The following BRINP2 variants were observed in gnomAD, a reference collection of about 807,000 sequenced individuals.
BRINP2 encodes BMP/retinoic acid inducible neural specific 2, also known as BMP/retinoic acid-inducible neural-specific protein 2.
A neutral mutation model predicts 69.2 loss-of-function variants in BRINP2; 21 were observed. That is an observed-to-expected ratio of 0.30 (90% confidence interval 0.22 to 0.44). The LOEUF (loss-of-function observed/expected upper bound fraction) is 0.44. Among genes scored for constraint, BRINP2 ranks in the 20% least tolerant of loss-of-function variants. The pLI is 1.00. For synonymous variants in BRINP2, 380 were observed against 394.1 expected (o/e 0.96, Z 0.42); for missense variants, 877 against 986.0 (o/e 0.89, Z 1.48).
chr1:177,280,900 G>A lies in BRINP2; in HGVS notation c.1724G>A (p.Cys575Tyr). The A allele has an allele frequency of 6.2e-7, 1 of 1,614,208 alleles. No individual in the cohort carries two copies. Among genetic ancestry groups the A allele is most frequent in the African/African-American group, 1.3e-5 (1 of 75,066 alleles). ...HVMLALSLQI[C>Y]LTKNSTLEPV... ...ATGTTGGCCTTGTCCTTGCAGATCT[G>A]TCTCACCAAGAACAGCACCCTGGAG... The change falls in exon 8 of 8, where the codon TGT (cysteine) becomes TAT (tyrosine). Residue 575 changes from cysteine to tyrosine, a missense_variant. Coordinates refer to ENST00000361539, the MANE Select transcript of BRINP2 (RefSeq NM_021165.4).
intron 4 of BRINP2, among the ~76,000 whole-genome samples, chr1:177,264,616 G>A (rs949628477): frequency 6.6e-6 from 1 of 152,134 alleles, no homozygotes; most frequent in Non-Finnish European, 1.5e-5. Context: ...AAAGTCTCAG[G>A]ATACAAAATC....
In BRINP2 at chr1:177,175,445, G is replaced by T. The variant is rs553781698; in HGVS notation, c.-77+3713G>T. On this transcript the variant is annotated intron_variant, in intron 1 of 7. Coordinates refer to ENST00000361539, the MANE Select transcript of BRINP2 (RefSeq NM_021165.4). ...TGTGACCAGCCAGCTACACACATTTGCTCCCACAGTGGGCATCTCTCCCAG... is the reference window on the plus strand; with the variant it reads ...TGTGACCAGCCAGCTACACACATTTTCTCCCACAGTGGGCATCTCTCCCAG... 2.0e-3 allele frequency among the ~76,000 whole-genome samples: 300 copies of T among 152,280 alleles called. 2 individuals are homozygous for T. Among genetic ancestry groups the T allele is most frequent in the Non-Finnish European group, 2.4e-4 (16 of 68,028 alleles).
At chr1:177,218,124 T>A (rs911409334) in intron 1 of BRINP2, among the ~76,000 whole-genome samples, 1 of 152,188 alleles carries the variant, frequency 6.6e-6, no homozygotes. Flanking sequence ...GCCTGCTTTT[T>A]GTCAGTATTT....
intron 2 of BRINP2, among the ~76,000 whole-genome samples, chr1:177,235,821 A>G (rs1650003774): frequency 6.6e-6 from 1 of 152,198 alleles, no homozygotes; most frequent in African/African-American, 2.4e-5. Context: ...ACGCGGCTTC[A>G]GGGCTCCAGA....
At chr1:177,261,288 T>C (rs1390183976) in intron 4 of BRINP2, among the ~76,000 whole-genome samples, 3 of 152,188 alleles carry the variant, frequency 2.0e-5, no homozygotes, top group Admixed American at 2.0e-4. Flanking sequence ...TGGAGACCAG[T>C]GCAGTGGCTA....
chr1:177,273,504 C>G lies in BRINP2; in HGVS notation c.686C>G (p.Thr229Ser). The G allele has an allele frequency of 6.2e-7, 1 of 1,611,382 alleles. No individual in the cohort carries two copies. The highest frequency in any genetic ancestry group is 8.5e-7 in the Non-Finnish European group (1 of 1,178,584). Reference protein sequence around the residue: ...TGAIKVTETRTGPLGCSNYDN... With the variant: ...TGAIKVTETRSGPLGCSNYDN... Reference sequence around the variant, plus strand: ...CTTCTCTAGGTCACCGAGACCAGGACCGGTCCTCTGGGCTGCAGCAACTAT... The same window carrying G: ...CTTCTCTAGGTCACCGAGACCAGGAGCGGTCCTCTGGGCTGCAGCAACTAT... The change falls in exon 5 of 8, where the codon ACC becomes AGC. Residue 229 changes from threonine (T) to serine (S), a missense_variant. Around this residue, in one of 3 missense-constraint regions of BRINP2, gnomAD observed 566 missense variants for 625.2 expected, o/e 0.91. Coordinates refer to ENST00000361539, the MANE Select transcript of BRINP2 (RefSeq NM_021165.4).
At chr1:177,177,108 A>G (rs1180340407) in intron 1 of BRINP2, among the ~76,000 whole-genome samples, 1 of 152,036 alleles carries the variant, frequency 6.6e-6, no homozygotes, top group African/African-American at 2.4e-5. Flanking sequence ...ATGGCCATGT[A>G]TTAAAGATTA....
At chr1:177,186,320 C>T (rs1648423453) in intron 1 of BRINP2, among the ~76,000 whole-genome samples, 1 of 151,838 alleles carries the variant, frequency 6.6e-6, no homozygotes, top group South Asian at 2.1e-4. Flanking sequence ...GTTTCCTAAT[C>T]ATAATACAAA....
At chr1:177,213,453 G>T (rs1558161751) in intron 1 of BRINP2, among the ~76,000 whole-genome samples, 1 of 152,030 alleles carries the variant, frequency 6.6e-6, no homozygotes, top group Non-Finnish European at 1.5e-5. Context: ...GGAATAAATG[G>T]TTGGCTCTGT....
At chr1:177,200,024 G>C (rs372835376) in intron 1 of BRINP2, among the ~76,000 whole-genome samples, 271 of 152,068 alleles carry the variant, frequency 1.8e-3, no homozygotes, top group African/African-American at 6.2e-3. Context: ...GCCAGGTGTG[G>C]GACACACCTG....
chr1:177,222,081 G>C (rs1649554994), intron 1 of BRINP2, among the ~76,000 whole-genome samples: 1 of 152,200 alleles, frequency 6.6e-6, no homozygotes, highest in African/African-American at 2.4e-5. Context: ...GAGTGACCTG[G>C]AGAAACCTCT....
intron 1 of BRINP2, among the ~76,000 whole-genome samples, chr1:177,192,700 G>T (rs1023917516): frequency 6.6e-6 from 1 of 152,156 alleles, no homozygotes; most frequent in Non-Finnish European, 1.5e-5. Flanking sequence ...GTGAGAAAAT[G>T]AAGAAATGTA....
At chr1:177,196,304 G>A (rs898598491) in intron 1 of BRINP2, among the ~76,000 whole-genome samples, 8 of 152,126 alleles carry the variant, frequency 5.3e-5, no homozygotes, top group Admixed American at 2.0e-4. Context: ...GTTTAAGGAG[G>A]GGTCCAGCTA....
intron 1 of BRINP2, among the ~76,000 whole-genome samples, chr1:177,181,470 TG>T (rs1648246104): frequency 6.6e-6 from 1 of 152,132 alleles, no homozygotes; most frequent in African/African-American, 2.4e-5. Flanking sequence ...ACCACGAGGC[TG>T]CCGGGCTGAG....
At chr1:177,205,461 G>C (rs911636028) in intron 1 of BRINP2, among the ~76,000 whole-genome samples, 1 of 152,110 alleles carries the variant, frequency 6.6e-6, no homozygotes, top group Non-Finnish European at 1.5e-5. Flanking sequence ...TTCTTCAACA[G>C]AATTTCAGTT....
intron 1 of BRINP2, among the ~76,000 whole-genome samples, chr1:177,194,269 T>C (rs564150427): frequency 6.6e-6 from 1 of 152,314 alleles, no homozygotes; most frequent in Admixed American, 6.5e-5. Context: ...AATTTTCTAT[T>C]CCTCCCAACA....
At chr1:177,174,897 A>C (rs556510774) in intron 1 of BRINP2, among the ~76,000 whole-genome samples, 5 of 152,180 alleles carry the variant, frequency 3.3e-5, no homozygotes, top group African/African-American at 1.2e-4. Flanking sequence ...CCCATCCTCA[A>C]GTCTAATCTA....
intron 2 of BRINP2, among the ~76,000 whole-genome samples, chr1:177,251,800 G>A (rs569791196): frequency 6.6e-5 from 10 of 152,198 alleles, no homozygotes; most frequent in Middle Eastern, 3.4e-3. Context: ...AATTAAAGTG[G>A]GGCCCACCTC....
chr1:177,243,029 C>T (rs182234033), intron 2 of BRINP2, among the ~76,000 whole-genome samples: 9 of 151,676 alleles, frequency 5.9e-5, no homozygotes, highest in African/African-American at 1.9e-4. Context: ...ATAGTACTTT[C>T]GTTATAGGAT....
Sources: gnomAD v4.1 joint callset for allele counts (sites outside exome capture counted in the v4.1 genomes callset) on GRCh38, gnomAD v4.1.1 for gene constraint, gnomAD v4.1.1 regional missense constraint, MANE v1.5 for transcripts, NCBI Gene and HGNC (gene_info 2026-07-23, HGNC 2026-07-21) for gene names.